DIP2C: variants seen among roughly 807,000 people sequenced by gnomAD.
The protein encoded by DIP2C is DIP2 acetate--CoA ligase C (putative).
Under a neutral mutation model 192.4 loss-of-function variants are expected in DIP2C, and 33 were observed. The ratio of observed to expected loss-of-function variants is 0.17; its 90% CI spans 0.13 to 0.23. The LOEUF is 0.23. Ranked by LOEUF, DIP2C falls within the 10% of genes least tolerant of loss-of-function variation. The pLI is 1.00. For synonymous variants in DIP2C, 979 were observed against 864.1 expected, an observed-to-expected ratio of 1.13 and a Z score of -2.33; for missense variants, 1,537 against 2,110.1, an observed-to-expected ratio of 0.73 and a Z score of 5.32.
chr10:384,580 A>G lies in DIP2C; in HGVS notation c.1722T>C (p.Pro574=). 1 of 1,613,902 alleles carries G rather than the reference A, an allele frequency of 6.2e-7. No individual in the cohort carries two copies. Among genetic ancestry groups the G allele is most frequent in the South Asian group, 1.1e-5 (1 of 91,066 alleles). ...GGCAGACCTTCTGGATCCAGGAGAG[A>G]GGGTTCACCTTCATCAGCGAGTACG... ...SIPYSLMKVN[P]LSWIQKVCQY... The change falls in exon 15 of 37, where the codon CCT becomes CCC. Residue 574 remains proline, a synonymous_variant. Transcript: ENST00000280886.
chr10:340,430 G>A (rs577269614), intron 29 of DIP2C, among the ~76,000 whole-genome samples: 3 of 151,994 alleles, frequency 2.0e-5, no homozygotes, highest in Non-Finnish European at 1.5e-5. Flanking sequence ...TGATGGTCAC[G>A]GGTGTTTATT....
At chr10:311,660 A>C in intron 31 of DIP2C, 4 of 1,080,598 alleles carry the variant, frequency 3.7e-6, no homozygotes, top group Non-Finnish European at 3.5e-6. Context: ...ATACGACCCG[A>C]CAGTGAAAAA....
intron 1 of DIP2C, among the ~76,000 whole-genome samples, chr10:620,041 G>A (rs547767990): frequency 7.9e-5 from 12 of 152,282 alleles, no homozygotes; most frequent in South Asian, 4.1e-4. Flanking sequence ...CCCAGGTGTC[G>A]GCCCCCAAGA....
At chr10:488,162 C>T (rs1844158137) in intron 1 of DIP2C, among the ~76,000 whole-genome samples, 1 of 152,168 alleles carries the variant, frequency 6.6e-6, no homozygotes, top group Non-Finnish European at 1.5e-5. Flanking sequence ...TCTCTCAAAA[C>T]CTAGGAGGTG....
At position 419,007 on chromosome 10, in the gene DIP2C, C is replaced by T. The variant is rs558160304; in HGVS notation, c.739+58G>A. The T allele has an allele frequency of 2.2e-3, 3,472 of 1,609,224 alleles. 18 individuals are homozygous for T. Among genetic ancestry groups the T allele is most frequent in the Middle Eastern group, 0.014 (80 of 5,784 alleles). On this transcript the variant is annotated intron_variant, in intron 6 of 36. Transcript: ENST00000280886. Reference sequence around the variant, plus strand: ...AACACATCCAGTCATGGGCACGGAACGGGACGTCAGCACAAACCGTTTACC... The same window carrying T: ...AACACATCCAGTCATGGGCACGGAATGGGACGTCAGCACAAACCGTTTACC...
chr10:489,083 T>C (rs920701978), intron 1 of DIP2C, among the ~76,000 whole-genome samples: 2 of 152,158 alleles, frequency 1.3e-5, no homozygotes, highest in African/African-American at 2.4e-5. Flanking sequence ...TTGATGTGCA[T>C]GCTACCCCAA....
intron 2 of DIP2C, among the ~76,000 whole-genome samples, chr10:479,027 C>T (rs777270874): frequency 3.3e-5 from 5 of 152,186 alleles, no homozygotes; most frequent in Non-Finnish European, 7.3e-5. Context: ...GAGAAGCCTG[C>T]TCTGGGCCCT....
chr10:383,639 T>C (rs1283625544), intron 16 of DIP2C, among the ~76,000 whole-genome samples: 1 of 152,220 alleles, frequency 6.6e-6, no homozygotes, highest in Non-Finnish European at 1.5e-5. Context: ...TCTTGAATAT[T>C]TCCTTATTAC....
At chr10:445,118 G>A (rs896955929) in intron 3 of DIP2C, among the ~76,000 whole-genome samples, 10 of 152,218 alleles carry the variant, frequency 6.6e-5, no homozygotes, top group Non-Finnish European at 1.5e-4. Context: ...GAACCTCATG[G>A]GTTTAAGTTG....
chr10:452,412 G>A (rs1335419926), intron 3 of DIP2C, among the ~76,000 whole-genome samples: 1 of 152,106 alleles, frequency 6.6e-6, no homozygotes, highest in East Asian at 1.9e-4. Flanking sequence ...AGGACAACCT[G>A]CCCAGGGGTG....
At chr10:378,923 G>T (rs1589656729) in intron 17 of DIP2C, among the ~76,000 whole-genome samples, 1 of 152,358 alleles carries the variant, frequency 6.6e-6, no homozygotes, top group South Asian at 2.1e-4. Flanking sequence ...AGACATGCGT[G>T]AGGACAGGCG....
intron 17 of DIP2C, among the ~76,000 whole-genome samples, chr10:380,793 C>T (rs142382820): frequency 1.2e-4 from 18 of 152,142 alleles, no homozygotes; most frequent in African/African-American, 3.4e-4. Context: ...ACGGAATGTA[C>T]GAAAGCCGTT....
At chr10:468,943 T>C (rs930911808) in intron 3 of DIP2C, among the ~76,000 whole-genome samples, 5 of 152,248 alleles carry the variant, frequency 3.3e-5, no homozygotes, top group Non-Finnish European at 5.9e-5. Context: ...ACCTGTAACC[T>C]ATACACAGTA....
chr10:491,271 G>A (rs1284140412), intron 1 of DIP2C, among the ~76,000 whole-genome samples: 2 of 152,344 alleles, frequency 1.3e-5, no homozygotes, highest in African/African-American at 2.4e-5. Flanking sequence ...GACCCACTCG[G>A]CAGTGGCGGT....
At position 606,032 on chromosome 10, in the gene DIP2C, G is replaced by T. The variant is rs529738624; in HGVS notation, c.85+83462C>A. ...CTCTGCAGCCCCACTCCACGCCGGG[G>T]TCCGACTGTGCAAGTCTTCCTGGCG... On this transcript the variant is annotated intron_variant, in intron 1 of 36. Coordinates refer to ENST00000280886, the MANE Select transcript of DIP2C (RefSeq NM_014974.3). Among the ~76,000 whole-genome samples the T allele has an allele frequency of 2.6e-5, 4 of 152,342 alleles. No individual in the cohort carries two copies. In the East Asian group the frequency reaches 7.7e-4, roughly 29 times the overall value.
At chr10:615,886 C>T (rs1269652308) in intron 1 of DIP2C, among the ~76,000 whole-genome samples, 2 of 152,288 alleles carry the variant, frequency 1.3e-5, no homozygotes, top group South Asian at 2.1e-4. Flanking sequence ...CAGAGTTTGC[C>T]GGCCGTCTTA....
rs766778455 is a variant in DIP2C at position 492,189 on chromosome 10, C to A, written c.86-5659G>T. On this transcript the variant is annotated intron_variant, in intron 1 of 36. Transcript: ENST00000280886. Reference sequence around the variant, plus strand: ...GCTGAGGCTCCTTGCCCCAGGCATACCCCAGACAGCAGACAGAAGGGTCGC... The same window carrying A: ...GCTGAGGCTCCTTGCCCCAGGCATAACCCAGACAGCAGACAGAAGGGTCGC... Among the ~76,000 whole-genome samples the A allele has an allele frequency of 1.8e-4, 28 of 152,228 alleles. 1 individual carries two copies. The highest frequency in any genetic ancestry group is 2.0e-4 in the Admixed American group (3 of 15,276).
At chr10:457,443 C>A (rs187951700) in intron 3 of DIP2C, among the ~76,000 whole-genome samples, 134 of 152,350 alleles carry the variant, frequency 8.8e-4, no homozygotes, top group South Asian at 3.1e-3. Context: ...CTGTTTCTGC[C>A]TTCAGTCAGG....
rs1857066260 is a variant in DIP2C at position 666,009 on chromosome 10, G to C, written c.85+23485C>G. ...GGGGTGCTCTAACTTCTCAGCGCTGGCCGTCACCAACGCAGGCCGGCAGCA... is the reference window on the plus strand; with the variant it reads ...GGGGTGCTCTAACTTCTCAGCGCTGCCCGTCACCAACGCAGGCCGGCAGCA... On this transcript the variant is annotated intron_variant, in intron 1 of 36. Transcript: ENST00000280886. The surrounding 1 kb of genome is among the most constrained non-coding windows in gnomAD (Gnocchi z 4.1). The C allele has an allele frequency of 1.3e-5, 2 of 152,132 alleles. No individual in the cohort carries two copies. The highest frequency in any genetic ancestry group is 2.9e-5 in the Non-Finnish European group (2 of 68,034). 9.4% of individuals were successfully genotyped at this position (152,132 alleles called of 1,614,324 possible). A position where few individuals can be genotyped will look rare whatever the true frequency, so the allele number is the denominator to read the frequency against.
Sources: allele counts gnomAD v4.1 joint callset (sites outside exome capture counted in the v4.1 genomes callset), GRCh38; gene constraint gnomAD v4.1.1; non-coding constraint Gnocchi (gnomAD v3.1); transcripts MANE v1.5; gene names NCBI Gene and HGNC (gene_info 2026-07-23, HGNC 2026-07-21).